Variants in EFCAB5 observed in about 807,000 individuals in gnomAD.
EFCAB5 encodes the protein EF-hand calcium binding domain 5, also known as EF-hand calcium-binding domain-containing protein 5.
Under a neutral mutation model 167.9 loss-of-function variants are expected in EFCAB5, and 131 were observed. The ratio of observed to expected loss-of-function variants is 0.78; its 90% CI spans 0.68 to 0.90. EFCAB5 has a LOEUF of 0.90. EFCAB5 is among the 40% of genes least tolerant of loss of function. The pLI, the probability that EFCAB5 is intolerant of heterozygous loss-of-function variation, is 0.00. For missense variants in EFCAB5, 1,663 were observed against 1,745.2 expected (o/e 0.95, Z 0.84); for synonymous variants, 574 against 602.8 (o/e 0.95, Z 0.70).
Position 29,956,377 on chromosome 17 carries a change from G to A in EFCAB5, c.191-12414G>A, listed in dbSNP as rs564596490. 7.2e-5 allele frequency among the ~76,000 whole-genome samples: 11 copies of A among 152,192 alleles called. No homozygotes were observed. In the East Asian group the frequency reaches 1.2e-3, roughly 16 times the overall value. ...TATCACAAGGTCACATGACATTTAT[G>A]GACACAAAAAGGAAAGTGATGTACA... On this transcript the variant is annotated intron_variant, in intron 3 of 22. Coordinates refer to ENST00000394835, the MANE Select transcript of EFCAB5 (RefSeq NM_198529.4).
intron 7 of EFCAB5, among the ~76,000 whole-genome samples, chr17:30,018,599 TG>T (rs2069103222): frequency 6.6e-6 from 1 of 152,150 alleles, no homozygotes; most frequent in African/African-American, 2.4e-5. Flanking sequence ...TTAATTTTCT[TG>T]TCTTTTCACC....
chr17:30,000,095 C>A, intron 7 of EFCAB5, 119 bp downstream of exon 7: 1 of 668,038 alleles, frequency 1.5e-6, no homozygotes, highest in Non-Finnish European at 2.5e-6. Context: ...TTATTTTATA[C>A]ATTCTAAAAT....
At chr17:29,989,834 G>C (rs539382950) in intron 4 of EFCAB5, among the ~76,000 whole-genome samples, 2 of 152,122 alleles carry the variant, frequency 1.3e-5, no homozygotes, top group African/African-American at 4.8e-5. Context: ...CCATTTTAAA[G>C]GTATAGGTTC....
chr17:30,108,003 G>A lies in EFCAB5; in HGVS notation c.4491G>A (p.Gly1497=). 6.2e-7 allele frequency: 1 copy of A among 1,606,596 alleles called. No individual in the cohort carries two copies. Among genetic ancestry groups the A allele is most frequent in the Non-Finnish European group, 8.5e-7 (1 of 1,177,978 alleles). ...TDNYMYAKMP[G]EGLQEK is the part of the protein sequence containing the mutation. ...ATTATATGTATGCAAAAATGCCAGG[G>A]GAAGGTTTGCAAGAGAAGTGATAAT... Residue 1497 remains glycine, a synonymous_variant, in exon 23 of 23, where the codon GGG becomes GGA. Coordinates refer to ENST00000394835, the MANE Select transcript of EFCAB5 (RefSeq NM_198529.4).
chr17:30,069,690 C>T (rs2070678870), intron 14 of EFCAB5: 6 of 1,315,908 alleles, frequency 4.6e-6, no homozygotes, highest in Admixed American at 2.0e-5. Context: ...AGGCTGTGTA[C>T]TCTCATGTAC....
chr17:29,935,482 C>T (rs1271328397), intron 1 of EFCAB5, among the ~76,000 whole-genome samples: 1 of 151,830 alleles, frequency 6.6e-6, no homozygotes, highest in Non-Finnish European at 1.5e-5. Flanking sequence ...TTGCTTGAGC[C>T]CAGGAGGTTG....
chr17:30,048,108 A>G (rs2069979595), intron 8 of EFCAB5, among the ~76,000 whole-genome samples: 1 of 152,228 alleles, frequency 6.6e-6, no homozygotes, highest in Admixed American at 6.5e-5. Flanking sequence ...GTTAGGATGT[A>G]TAGATGTCAG....
chr17:30,030,608 C>T (rs1567726158), intron 7 of EFCAB5, among the ~76,000 whole-genome samples: 2 of 152,042 alleles, frequency 1.3e-5, no homozygotes, highest in African/African-American at 2.4e-5. Context: ...CTCCCAAGTG[C>T]TGGGATTACA....
intron 3 of EFCAB5, among the ~76,000 whole-genome samples, chr17:29,961,746 G>C (rs2067724140): frequency 6.6e-6 from 1 of 151,948 alleles, no homozygotes; most frequent in Non-Finnish European, 1.5e-5. Context: ...GCATCACCAA[G>C]CCTGGCTAAT....
At chr17:30,033,067 T>C (rs1470264812) in intron 7 of EFCAB5, among the ~76,000 whole-genome samples, 1 of 151,878 alleles carries the variant, frequency 6.6e-6, no homozygotes, top group Non-Finnish European at 1.5e-5. Flanking sequence ...TCATCGGCTG[T>C]GAGCTGAGCT....
intron 18 of EFCAB5, among the ~76,000 whole-genome samples, chr17:30,084,650 G>T (rs1294875579): frequency 6.6e-6 from 1 of 152,136 alleles, no homozygotes; most frequent in Non-Finnish European, 1.5e-5. Flanking sequence ...AGCACTCAAC[G>T]ATCATAACTT....
intron 14 of EFCAB5, among the ~76,000 whole-genome samples, chr17:30,077,846 G>A (rs889807823): frequency 6.6e-6 from 1 of 152,166 alleles, no homozygotes; most frequent in African/African-American, 2.4e-5. Context: ...GCTGGCTCTG[G>A]GGTTATGAAA....
chr17:30,028,672 A>C (rs929879095), intron 7 of EFCAB5, among the ~76,000 whole-genome samples: 1 of 152,222 alleles, frequency 6.6e-6, no homozygotes, highest in African/African-American at 2.4e-5. Flanking sequence ...TAGTGCTGCC[A>C]TACCAAAGTA....
At chr17:29,957,304 G>C (rs962096267) in intron 3 of EFCAB5, among the ~76,000 whole-genome samples, 5 of 152,086 alleles carry the variant, frequency 3.3e-5, no homozygotes, top group Admixed American at 6.6e-5. Flanking sequence ...TCCCTGGCAT[G>C]ATGAGGGATT....
intron 4 of EFCAB5, among the ~76,000 whole-genome samples, chr17:29,986,176 C>T (rs55657712): frequency 0.39 from 59,228 of 152,078 alleles, 13,500 homozygotes; most frequent in East Asian, 0.68. Context: ...TTTAATTTTG[C>T]AATATCCAAA....
intron 4 of EFCAB5, among the ~76,000 whole-genome samples, chr17:29,980,579 T>C (rs1053933025): frequency 2.0e-5 from 3 of 152,194 alleles, no homozygotes; most frequent in Admixed American, 6.5e-5. Flanking sequence ...CATGATATCA[T>C]ACTTGTCTAA....
At chr17:30,029,232 T>C (rs1364493608) in intron 7 of EFCAB5, among the ~76,000 whole-genome samples, 1 of 152,222 alleles carries the variant, frequency 6.6e-6, no homozygotes, top group Non-Finnish European at 1.5e-5. Flanking sequence ...GGTAAATTCA[T>C]TGTACGTTGA....
chr17:30,101,684 G>A (rs370192497), intron 22 of EFCAB5, among the ~76,000 whole-genome samples: 6 of 152,162 alleles, frequency 3.9e-5, no homozygotes, highest in East Asian at 3.8e-4. Flanking sequence ...GAGTAGAGAC[G>A]ATTCTGAATG....
intron 4 of EFCAB5, among the ~76,000 whole-genome samples, chr17:29,983,725 A>C (rs1027948335): frequency 1.1e-4 from 16 of 152,316 alleles, no homozygotes; most frequent in East Asian, 1.9e-4. Context: ...ACAGAAGACA[A>C]ATTTTATTAA....
Sources: gnomAD v4.1 joint callset for allele counts (sites outside exome capture counted in the v4.1 genomes callset) on GRCh38, gnomAD v4.1.1 for gene constraint, MANE v1.5 for transcripts, NCBI Gene and HGNC (gene_info 2026-07-23, HGNC 2026-07-21) for gene names.